FAT3: variants seen among roughly 807,000 people sequenced by gnomAD.
FAT3 encodes FAT atypical cadherin 3.
In FAT3, 95 loss-of-function variants were observed where a neutral mutation model predicts 310.2. That is an observed-to-expected ratio of 0.31 (90% CI 0.26 to 0.36). The LOEUF (loss-of-function observed/expected upper bound fraction) is 0.36, where lower values mean the gene tolerates loss of function less well. Among genes scored for constraint, FAT3 ranks in the 10% least tolerant of loss-of-function variants. The pLI, the probability that FAT3 is intolerant of heterozygous loss-of-function variation, is 1.00. For synonymous variants in FAT3, 2,314 were observed against 2,192.9 expected (o/e 1.06, Z -1.54); for missense variants, 5,408 against 5,715.6 (o/e 0.95, Z 1.74).
At chr11:92,512,380 G>T (rs1487202193) in intron 2 of FAT3, among the ~76,000 whole-genome samples, 1 of 151,384 alleles carries the variant, frequency 6.6e-6, no homozygotes, top group Non-Finnish European at 1.5e-5. Flanking sequence ...ACAGAAAAGG[G>T]CTAAGGAGAA....
Position 92,249,802 on chromosome 11 carries a change from A to G in FAT3, c.-18+24628A>G, listed in dbSNP as rs543017613. Among the ~76,000 whole-genome samples the G allele has an allele frequency of 2.0e-5, 3 of 152,108 alleles. No individual in the cohort carries two copies. The South Asian group carries it at 6.2e-4, about 32-fold the overall frequency. On this transcript the variant is annotated intron_variant, in intron 1 of 27. Coordinates refer to ENST00000525166, the MANE Select transcript of FAT3 (RefSeq NM_001367949.2). Reference sequence around the variant, plus strand: ...CATCTGATGGAAGCTCTTGTGTTGCACCCATGAAGTCATTGGAGAGAGCTT... The same window carrying G: ...CATCTGATGGAAGCTCTTGTGTTGCGCCCATGAAGTCATTGGAGAGAGCTT...
intron 22 of FAT3, among the ~76,000 whole-genome samples, chr11:92,868,538 A>G (rs1591833360): frequency 2.0e-5 from 3 of 152,208 alleles, no homozygotes; most frequent in South Asian, 2.1e-4. Context: ...CAGGCAAAAC[A>G]ATTCTGCTAG....
intron 1 of FAT3, among the ~76,000 whole-genome samples, chr11:92,295,738 A>G (rs1946831997): frequency 6.6e-6 from 1 of 152,130 alleles, no homozygotes; most frequent in East Asian, 1.9e-4. Context: ...GGATGAAGCC[A>G]GCTGCTTTGC....
At chr11:92,524,194 C>A (rs1953776638) in intron 2 of FAT3, among the ~76,000 whole-genome samples, 1 of 151,970 alleles carries the variant, frequency 6.6e-6, no homozygotes, top group African/African-American at 2.4e-5. Flanking sequence ...ATAATTTACC[C>A]TAGGAGAGCT....
rs560119610 is a variant in FAT3 at position 92,231,753 on chromosome 11, A to G, written c.-18+6579A>G. Among the ~76,000 whole-genome samples the G allele has an allele frequency of 2.6e-5, 4 of 152,264 alleles. No homozygotes were observed. The East Asian group carries it at 5.8e-4, about 22-fold the overall frequency. ...TAAACATCTAAGAGTATGCCAGATG[A>G]CACAGATTAAATTTAGTGACAAATG... On this transcript the variant is annotated intron_variant, in intron 1 of 27. Coordinates refer to ENST00000525166, the MANE Select transcript of FAT3 (RefSeq NM_001367949.2).
chr11:92,376,605 A>T (rs1012419409), intron 2 of FAT3, among the ~76,000 whole-genome samples: 1 of 152,268 alleles, frequency 6.6e-6, no homozygotes, highest in African/African-American at 2.4e-5. Flanking sequence ...CTTAATAAAG[A>T]TGTTGGAACC....
intron 2 of FAT3, among the ~76,000 whole-genome samples, chr11:92,521,440 T>TA (rs1953679542): frequency 6.6e-6 from 1 of 152,148 alleles, no homozygotes; most frequent in South Asian, 2.1e-4. Flanking sequence ...TCCCCTGCTT[T>TA]AGGGTGTGAT....
chr11:92,533,257 G>T (rs915308798), intron 3 of FAT3, among the ~76,000 whole-genome samples: 1 of 151,994 alleles, frequency 6.6e-6, no homozygotes, highest in Non-Finnish European at 1.5e-5. Context: ...TGAACTCCTG[G>T]CTTCAAGCAA....
chr11:92,329,539 A>G (rs1015532257), intron 1 of FAT3, among the ~76,000 whole-genome samples: 1 of 151,366 alleles, frequency 6.6e-6, no homozygotes, highest in African/African-American at 2.4e-5. Context: ...TTTATAAATT[A>G]CCCAGCCTCA....
At chr11:92,696,458 G>A (rs1241413942) in intron 3 of FAT3, among the ~76,000 whole-genome samples, 1 of 151,936 alleles carries the variant, frequency 6.6e-6, no homozygotes, top group Non-Finnish European at 1.5e-5. Flanking sequence ...CACAGCCCCT[G>A]GAAATACCTT....
intron 1 of FAT3, among the ~76,000 whole-genome samples, chr11:92,340,705 G>A (rs1236793825): frequency 1.3e-5 from 2 of 152,190 alleles, no homozygotes; most frequent in Admixed American, 1.3e-4. Context: ...TTGACCTGTT[G>A]TTAGGAATAT....
intron 4 of FAT3, among the ~76,000 whole-genome samples, chr11:92,733,867 A>G (rs1214823495): frequency 2.0e-5 from 3 of 152,148 alleles, no homozygotes; most frequent in Admixed American, 1.3e-4. Context: ...ATACTTCTTG[A>G]TATTCTTTAT....
intron 1 of FAT3, among the ~76,000 whole-genome samples, chr11:92,309,901 C>A (rs1947252239): frequency 6.6e-6 from 1 of 150,526 alleles, no homozygotes; most frequent in African/African-American, 2.4e-5. Flanking sequence ...CTAATTGGCT[C>A]TTGAGGGAAG....
chr11:92,412,283 A>G (rs1244842998), intron 2 of FAT3, among the ~76,000 whole-genome samples: 4 of 151,294 alleles, frequency 2.6e-5, no homozygotes, highest in African/African-American at 7.3e-5. Context: ...TTGTATTTTT[A>G]GTAGAGACAG....
intron 3 of FAT3, among the ~76,000 whole-genome samples, chr11:92,555,916 T>C (rs1407253911): frequency 6.6e-6 from 1 of 152,232 alleles, no homozygotes; most frequent in East Asian, 1.9e-4. Flanking sequence ...GCTCTGCCAC[T>C]AGTGGCTTGT....
intron 3 of FAT3, among the ~76,000 whole-genome samples, chr11:92,652,240 G>A (rs1458134577): frequency 6.6e-6 from 1 of 152,098 alleles, no homozygotes; most frequent in Non-Finnish European, 1.5e-5. Flanking sequence ...TTATCCGCTG[G>A]GCACAAGGCG....
intron 2 of FAT3, among the ~76,000 whole-genome samples, chr11:92,371,789 T>G (rs1327020257): frequency 6.6e-6 from 1 of 152,110 alleles, no homozygotes; most frequent in Non-Finnish European, 1.5e-5. Context: ...CCATGCAGCA[T>G]AATAGCTAGG....
intron 1 of FAT3, among the ~76,000 whole-genome samples, chr11:92,226,613 CG>C (rs1863918389): frequency 6.6e-6 from 1 of 151,692 alleles, no homozygotes; most frequent in South Asian, 2.1e-4. Context: ...GAATGGACGT[CG>C]GGGGCGGGGA....
At chr11:92,437,998 G>A (rs376394852) in intron 2 of FAT3, among the ~76,000 whole-genome samples, 6 of 152,256 alleles carry the variant, frequency 3.9e-5, no homozygotes, top group Non-Finnish European at 7.4e-5. Context: ...GTTTTTAAAA[G>A]TGGATGTATG....
Sources: gnomAD v4.1 joint callset for allele counts (sites outside exome capture counted in the v4.1 genomes callset) on GRCh38, gnomAD v4.1.1 for gene constraint, MANE v1.5 for transcripts, NCBI Gene and HGNC (gene_info 2026-07-23, HGNC 2026-07-21) for gene names.